The following SMARCC1 variants were observed in gnomAD, a reference collection of about 807,000 sequenced individuals.
SMARCC1 encodes the protein SWI/SNF complex subunit SMARCC1.
In SMARCC1, 43 loss-of-function variants were observed where a neutral mutation model predicts 147.4. That is an observed-to-expected ratio of 0.29 (90% CI 0.23 to 0.38). The LOEUF is 0.38. SMARCC1 is among the 10% of genes least tolerant of loss of function. SMARCC1 has a pLI of 1.00. For synonymous variants in SMARCC1, 495 were observed against 484.4 expected (o/e 1.02, Z -0.29); for missense variants, 1,119 against 1,381.1 (o/e 0.81, Z 3.01).
At chr3:47,591,685 G>A (rs2032184584) in intron 26 of SMARCC1, among the ~76,000 whole-genome samples, 1 of 152,080 alleles carries the variant, frequency 6.6e-6, no homozygotes, top group South Asian at 2.1e-4. Context: ...TGGGATTACA[G>A]GTGCCCACCA....
chr3:47,606,123 C>T (rs182026287), intron 26 of SMARCC1, among the ~76,000 whole-genome samples: 1 of 152,106 alleles, frequency 6.6e-6, no homozygotes, highest in African/African-American at 2.4e-5. Context: ...TCTCATCATG[C>T]ACTGCACTCA....
intron 2 of SMARCC1, among the ~76,000 whole-genome samples, chr3:47,751,765 T>G (rs893074360): frequency 6.6e-6 from 1 of 151,914 alleles, no homozygotes; most frequent in Non-Finnish European, 1.5e-5. Flanking sequence ...TCAAAGGTAC[T>G]AGTTCCAATA....
chr3:47,762,801 T>TCACG (rs1262887082), intron 2 of SMARCC1, among the ~76,000 whole-genome samples: 6 of 152,188 alleles, frequency 3.9e-5, no homozygotes, highest in Non-Finnish European at 7.4e-5. Flanking sequence ...GTGCAGTAGC[T>TCACG]CACGCCTGTA....
chr3:47,718,454 G>A (rs1576420922), intron 7 of SMARCC1, among the ~76,000 whole-genome samples: 1 of 151,936 alleles, frequency 6.6e-6, no homozygotes. Flanking sequence ...AAGAGAGAAT[G>A]TATTTCTTTT....
At position 47,750,081 on chromosome 3, in the gene SMARCC1, C is replaced by CAA. The variant is rs34681070; in HGVS notation, c.316-4090_316-4089dup. ...TGGGTGACAGAGCAAGAGTCCATCT[C>CAA]AAAAAAAAAAAAAAGAAAATGCACG... On this transcript the variant is annotated intron_variant, in intron 2 of 27. Coordinates refer to ENST00000254480, the MANE Select transcript of SMARCC1 (RefSeq NM_003074.4). 1.2e-3 allele frequency among the ~76,000 whole-genome samples: 99 copies of CAA among 80,932 alleles called. 1 individual carries two copies. The highest frequency in any genetic ancestry group is 6.3e-3 in the Middle Eastern group (1 of 158). The allele number at this position is 80,932 out of a possible 152,430, so 53.1% of individuals were successfully genotyped here. A position where few individuals can be genotyped will look rare whatever the true frequency, so the allele number is the denominator to read the frequency against.
At chr3:47,752,086 AAAC>A (rs889493269) in intron 2 of SMARCC1, among the ~76,000 whole-genome samples, 19 of 152,238 alleles carry the variant, frequency 1.2e-4, no homozygotes, top group Admixed American at 6.6e-4. Flanking sequence ...TTCATCTCAA[AAAC>A]AACAACAACA....
chr3:47,672,212 T>C (rs2033510385), intron 18 of SMARCC1, among the ~76,000 whole-genome samples: 1 of 151,996 alleles, frequency 6.6e-6, no homozygotes, highest in Non-Finnish European at 1.5e-5. Context: ...TCCCCAAGGA[T>C]TACTTTTCTT....
At chr3:47,681,146 A>G (rs2033639756) in intron 14 of SMARCC1, among the ~76,000 whole-genome samples, 1 of 152,170 alleles carries the variant, frequency 6.6e-6, no homozygotes. Flanking sequence ...GAATTCTTTG[A>G]AAAATGGTGA....
intron 19 of SMARCC1, among the ~76,000 whole-genome samples, chr3:47,666,151 A>G (rs1179120318): frequency 6.6e-6 from 1 of 152,186 alleles, no homozygotes; most frequent in Non-Finnish European, 1.5e-5. Flanking sequence ...TCAACAATAC[A>G]CAGGCCCCAC....
chr3:47,692,499 TTTAA>T (rs1251935375), intron 12 of SMARCC1, among the ~76,000 whole-genome samples: 1 of 152,246 alleles, frequency 6.6e-6, no homozygotes, highest in Non-Finnish European at 1.5e-5. Flanking sequence ...GAAAAAGTAC[TTTAA>T]TTAGAACTAT....
intron 3 of SMARCC1, among the ~76,000 whole-genome samples, chr3:47,740,211 TAA>T (rs984987307): frequency 2.6e-5 from 2 of 78,028 alleles, no homozygotes; most frequent in Non-Finnish European, 2.4e-5. Context: ...TTTTTTTTTT[TAA>T]AAGACAGACT....
intron 2 of SMARCC1, among the ~76,000 whole-genome samples, chr3:47,755,175 C>A (rs2106853412): frequency 6.6e-6 from 1 of 152,216 alleles, no homozygotes; most frequent in African/African-American, 2.4e-5. Context: ...CGCACCACTG[C>A]ACTTCAGTCT....
intron 5 of SMARCC1, among the ~76,000 whole-genome samples, chr3:47,730,916 T>C (rs2034366223): frequency 6.6e-6 from 1 of 151,302 alleles, no homozygotes; most frequent in African/African-American, 2.4e-5. Flanking sequence ...AGCAAATCAG[T>C]CTTCTTGCTG....
chr3:47,775,360 C>G (rs2034962367), intron 1 of SMARCC1, among the ~76,000 whole-genome samples: 2 of 150,304 alleles, frequency 1.3e-5, no homozygotes, highest in Non-Finnish European at 3.0e-5. Flanking sequence ...CGGGGTTTCA[C>G]CATGTTAGTC....
intron 2 of SMARCC1, among the ~76,000 whole-genome samples, chr3:47,762,124 C>CA (rs1487188168): frequency 6.6e-6 from 1 of 152,132 alleles, no homozygotes; most frequent in Non-Finnish European, 1.5e-5. Flanking sequence ...TTTAGAAACT[C>CA]AGAGAGAGGA....
At chr3:47,739,570 A>G (rs7609627) in intron 3 of SMARCC1, among the ~76,000 whole-genome samples, 139,023 of 152,162 alleles carry the variant, frequency 0.91, 64,817 homozygotes, top group East Asian at 1. Context: ...CTGAGCTCAA[A>G]CAATCCTCCC....
In SMARCC1 at chr3:47,670,645, T is replaced by C. The variant is rs199687693; in HGVS notation, c.1899+13A>G. The C allele has an allele frequency of 1.3e-5, 19 of 1,476,878 alleles. No homozygotes were observed. The highest frequency in any genetic ancestry group is 1.7e-5 in the Non-Finnish European group (18 of 1,054,398). The allele number at this position is 1,476,878 out of a possible 1,614,324, so 91.5% of individuals were successfully genotyped here. On this transcript the variant is annotated intron_variant, in intron 19 of 27. Coordinates refer to ENST00000254480, the MANE Select transcript of SMARCC1 (RefSeq NM_003074.4). ...AATCTTAGCACACATCCCATATGCATTAATCTGCTTACCTCCAGGAGTAGA... is the reference window on the plus strand; with the variant it reads ...AATCTTAGCACACATCCCATATGCACTAATCTGCTTACCTCCAGGAGTAGA...
chr3:47,661,852 T>C (rs913345272), intron 20 of SMARCC1, among the ~76,000 whole-genome samples: 1 of 152,210 alleles, frequency 6.6e-6, no homozygotes, highest in Non-Finnish European at 1.5e-5. Context: ...ACAATTAATG[T>C]GTAACCCATG....
chr3:47,685,409 T>C (rs1007927394), intron 14 of SMARCC1, among the ~76,000 whole-genome samples: 5 of 152,200 alleles, frequency 3.3e-5, no homozygotes, highest in Non-Finnish European at 7.4e-5. Context: ...AAACTTTTTA[T>C]AATAATTTAA....
Sources: allele counts gnomAD v4.1 joint callset (sites outside exome capture counted in the v4.1 genomes callset), GRCh38; gene constraint gnomAD v4.1.1; transcripts MANE v1.5; gene names NCBI Gene and HGNC (gene_info 2026-07-23, HGNC 2026-07-21).